SLC30A7: variants seen among roughly 807,000 people sequenced by gnomAD.
The protein encoded by SLC30A7 is zinc transporter 7.
In SLC30A7, 35 loss-of-function variants were observed where a neutral mutation model predicts 46.0. That is an observed-to-expected ratio of 0.76 (90% CI 0.58 to 1.01). The LOEUF (loss-of-function observed/expected upper bound fraction) is 1.01. Among genes scored for constraint, SLC30A7 ranks in the 50% least tolerant of loss-of-function variants. The pLI is 0.00. For missense variants in SLC30A7, 464 were observed against 451.1 expected (o/e 1.03, Z -0.26); for synonymous variants, 147 against 157.8 (o/e 0.93, Z 0.51).
the SLC30A7 span, chr1:100,990,448 G>A: frequency 6.2e-7 from 1 of 1,613,960 alleles, no homozygotes; most frequent in South Asian, 1.1e-5. Context: ...GCTATTTTCT[G>A]GTATGGAAAA....
chr1:100,968,482 T>A (rs556575040), intron 10 of SLC30A7, among the ~76,000 whole-genome samples: 1 of 152,196 alleles, frequency 6.6e-6, no homozygotes, highest in South Asian at 2.1e-4. Flanking sequence ...AAAATGTTTT[T>A]TTCCAAAGTA....
rs909797780 is a variant in SLC30A7 at position 100,911,154 on chromosome 1, T to C, written c.384+4T>C. 6.4e-7 allele frequency: 1 copy of C among 1,566,818 alleles called. No homozygotes were observed. The highest frequency in any genetic ancestry group is 8.7e-7 in the Non-Finnish European group (1 of 1,143,748). Reference sequence around the variant, plus strand: ...TATTTTCTCAGAAGGAGTTGAGGTATAGTAGATAATTATTAAAGTCAGTAA... The same window carrying C: ...TATTTTCTCAGAAGGAGTTGAGGTACAGTAGATAATTATTAAAGTCAGTAA... On this transcript the variant is annotated splice_donor_region_variant and intron_variant, in intron 4 of 10. Transcript: ENST00000357650.
intron 8 of SLC30A7, among the ~76,000 whole-genome samples, chr1:100,923,756 G>A (rs1316941227): frequency 6.6e-6 from 1 of 152,224 alleles, no homozygotes; most frequent in Non-Finnish European, 1.5e-5. Flanking sequence ...TCCAGCCTGG[G>A]TGACAGAGTG....
intron 7 of SLC30A7, among the ~76,000 whole-genome samples, chr1:100,919,866 A>C (rs1336958190): frequency 1.3e-5 from 2 of 152,100 alleles, no homozygotes; most frequent in Non-Finnish European, 2.9e-5. Context: ...AACTTGAATT[A>C]ATTATGTTTT....
At chr1:100,949,797 G>T (rs1654861294) in intron 8 of SLC30A7, among the ~76,000 whole-genome samples, 1 of 152,246 alleles carries the variant, frequency 6.6e-6, no homozygotes, top group Non-Finnish European at 1.5e-5. Context: ...GCAAGGCTCT[G>T]TGGGTATGGG....
chr1:100,900,588 C>T (rs1176600180), intron 2 of SLC30A7, among the ~76,000 whole-genome samples: 1 of 152,076 alleles, frequency 6.6e-6, no homozygotes, highest in African/African-American at 2.4e-5. Context: ...ACCTTAAAAA[C>T]ATAGATAAAT....
intron 7 of SLC30A7, among the ~76,000 whole-genome samples, chr1:100,919,057 AAT>A (rs1652775295): frequency 6.6e-6 from 1 of 152,174 alleles, no homozygotes; most frequent in African/African-American, 2.4e-5. Context: ...AATAATATTT[AAT>A]ATGTTTTTAT....
At position 100,913,739 on chromosome 1, in the gene SLC30A7, T is replaced by A; in HGVS notation, c.588T>A (p.His196Gln). 6.2e-7 allele frequency: 1 copy of A among 1,613,972 alleles called. No individual in the cohort carries two copies. Among genetic ancestry groups the A allele is most frequent in the Middle Eastern group, 1.7e-4 (1 of 6,058 alleles). Reference sequence around the variant, plus strand: ...GCCATGTCGATCATTGCCATAGCCATGAAGTGAAACATGGTGCTGCACATA... The same window carrying A: ...GCCATGTCGATCATTGCCATAGCCAAGAAGTGAAACATGGTGCTGCACATA... ...AHGHVDHCHS[H>Q]EVKHGAAHSH... The change falls in exon 6 of 11, where the codon CAT (histidine) becomes CAA (glutamine). Residue 196 changes from histidine to glutamine, a missense_variant. By Grantham distance (24) the His-to-Gln change is conservative. Coordinates refer to ENST00000357650, the MANE Select transcript of SLC30A7 (RefSeq NM_133496.5).
chr1:100,916,704 CTTTTTTTTTTTTT>C (rs33980397), intron 6 of SLC30A7, among the ~76,000 whole-genome samples: 26 of 92,336 alleles, frequency 2.8e-4, no homozygotes, highest in African/African-American at 7.5e-4. Context: ...TTCATTCATT[CTTTTTTTTTTTTT>C]TTTTTTTTTG....
At chr1:100,958,246 G>T (rs1051831102) in intron 8 of SLC30A7, among the ~76,000 whole-genome samples, 1 of 151,746 alleles carries the variant, frequency 6.6e-6, no homozygotes, top group Non-Finnish European at 1.5e-5. Context: ...GCCCTATCTC[G>T]GCTCACTGCA....
intron 6 of SLC30A7, among the ~76,000 whole-genome samples, chr1:100,917,105 T>C (rs1051997658): frequency 2.0e-5 from 3 of 152,224 alleles, no homozygotes; most frequent in African/African-American, 7.2e-5. Context: ...AAATATCCTG[T>C]ATTTTTATAA....
chr1:100,933,176 A>G (rs9434140), intron 8 of SLC30A7, among the ~76,000 whole-genome samples: 6,998 of 151,732 alleles, frequency 0.046, 525 homozygotes, highest in African/African-American at 0.16. Flanking sequence ...GGGTTTCACC[A>G]TGTTGGCCAG....
Position 100,980,053 on chromosome 1 carries a change from C to A in SLC30A7, c.*5196C>A, listed in dbSNP as rs1656834053. On this transcript the variant is annotated 3_prime_UTR_variant, in exon 11 of 11. Coordinates refer to ENST00000357650, the MANE Select transcript of SLC30A7 (RefSeq NM_133496.5). ...TACCATTGATCTTAAACTGTGCAGGCTAAAAAGAGGAACCAGAACTCCCTT... is the reference window on the plus strand; with the variant it reads ...TACCATTGATCTTAAACTGTGCAGGATAAAAAGAGGAACCAGAACTCCCTT... The A allele has an allele frequency of 1.3e-5, 2 of 152,032 alleles. No homozygotes were observed. The highest frequency in any genetic ancestry group is 4.2e-4 in the South Asian group (2 of 4,808). 9.4% of individuals were successfully genotyped at this position (152,032 alleles called of 1,614,324 possible). A position where few individuals can be genotyped will look rare whatever the true frequency, so the allele number is the denominator to read the frequency against.
In SLC30A7 at chr1:100,979,231, TTTTCC is replaced by T. The variant is rs964059278; in HGVS notation, c.*4379_*4383del. Reference sequence around the variant, plus strand: ...TTACCTTTGGAAAGTTAAACTTTTTTTTTCCTTTCATCACCGTCTTTGAAACAAAT... The same window carrying T: ...TTACCTTTGGAAAGTTAAACTTTTTTTTTCATCACCGTCTTTGAAACAAAT... On this transcript the variant is annotated 3_prime_UTR_variant, in exon 11 of 11. Coordinates refer to ENST00000357650, the MANE Select transcript of SLC30A7 (RefSeq NM_133496.5). 1 of 152,062 alleles carries T rather than the reference TTTTCC, an allele frequency of 6.6e-6. No individual in the cohort carries two copies. The highest frequency in any genetic ancestry group is 2.4e-5 in the African/African-American group (1 of 41,434). 9.4% of individuals were successfully genotyped at this position (152,062 alleles called of 1,614,324 possible).
chr1:100,902,867 G>A (rs373044643), intron 2 of SLC30A7, among the ~76,000 whole-genome samples: 4 of 152,228 alleles, frequency 2.6e-5, no homozygotes, highest in South Asian at 4.2e-4. Flanking sequence ...AGGTACTAGA[G>A]GTTAGGACTT....
intron 8 of SLC30A7, among the ~76,000 whole-genome samples, chr1:100,939,720 G>A (rs557354642): frequency 7.6e-4 from 115 of 151,424 alleles, no homozygotes; most frequent in African/African-American, 2.7e-3. Context: ...ATGGTGGTGG[G>A]CACCTGTAGT....
chr1:100,921,933 T>C, intron 8 of SLC30A7, 92 bp downstream of exon 8: 1 of 1,156,062 alleles, frequency 8.7e-7, no homozygotes, highest in Non-Finnish European at 1.2e-6. Flanking sequence ...ATAATTATGT[T>C]GGTTTTCCTT....
In SLC30A7 at chr1:100,975,088, C is replaced by A. The variant is rs142405385; in HGVS notation, c.*231C>A. 5.8e-5 allele frequency: 22 copies of A among 377,914 alleles called. No individual in the cohort carries two copies. The East Asian group carries it at 6.5e-4, about 11-fold the overall frequency. 23.4% of individuals were successfully genotyped at this position (377,914 alleles called of 1,614,324 possible). A position where few individuals can be genotyped will look rare whatever the true frequency, so the allele number is the denominator to read the frequency against. Reference sequence around the variant, plus strand: ...GGTCTTTTCTTTTGTGCTCTTTCCTCCAAATCTTTTTGACTTCTGAGGTTT... The same window carrying A: ...GGTCTTTTCTTTTGTGCTCTTTCCTACAAATCTTTTTGACTTCTGAGGTTT... On this transcript the variant is annotated 3_prime_UTR_variant, in exon 11 of 11. Coordinates refer to ENST00000357650, the MANE Select transcript of SLC30A7 (RefSeq NM_133496.5).
rs376491595 is a variant in SLC30A7, at chr1:100,913,842, A to C, written c.655+36A>C. 82 of 1,581,818 alleles carry C rather than the reference A, an allele frequency of 5.2e-5. No individual in the cohort carries two copies. In the African/African-American group the frequency reaches 9.7e-4, roughly 19 times the overall value. On this transcript the variant is annotated intron_variant, in intron 6 of 10. Coordinates refer to ENST00000357650, the MANE Select transcript of SLC30A7 (RefSeq NM_133496.5). ...CCTAGAGACAAATGGACAGCCTCCA[A>C]ATAAACAAGAGTTTTGTGGATTACT...
Sources: allele counts gnomAD v4.1 joint callset (sites outside exome capture counted in the v4.1 genomes callset), GRCh38; gene constraint gnomAD v4.1.1; transcripts MANE v1.5; gene names NCBI Gene and HGNC (gene_info 2026-07-23, HGNC 2026-07-21).